RIMS2: variants seen among roughly 807,000 people sequenced by gnomAD.
RIMS2 encodes regulating synaptic membrane exocytosis 2, also known as regulating synaptic membrane exocytosis protein 2.
A neutral mutation model predicts 174.4 loss-of-function variants in RIMS2; 59 were observed. The observed-to-expected ratio is 0.34, with a 90% CI of 0.27 to 0.42. The LOEUF is 0.42. Among genes scored for constraint, RIMS2 ranks in the 10% least tolerant of loss-of-function variants. The probability of loss-of-function intolerance (pLI) is 1.00; values close to 1 mark genes in which losing one functional copy is unlikely to be tolerated. For synonymous variants in RIMS2, 606 were observed against 572.5 expected (o/e 1.06, Z -0.84); for missense variants, 1,620 against 1,666.3 (o/e 0.97, Z 0.48).
At chr8:103,509,013 T>C (rs898821098) in intron 1 of RIMS2, among the ~76,000 whole-genome samples, 2 of 152,128 alleles carry the variant, frequency 1.3e-5, no homozygotes, top group Admixed American at 1.3e-4. Context: ...ACCAGTGTTC[T>C]CTTGAGGGAG....
chr8:104,120,611 C>A (rs2098358571), intron 19 of RIMS2, among the ~76,000 whole-genome samples: 1 of 152,018 alleles, frequency 6.6e-6, no homozygotes, highest in Non-Finnish European at 1.5e-5. Context: ...TATTTTGGTT[C>A]ATTTTATAAT....
chr8:104,239,263 T>C (rs2099274527), intron 19 of RIMS2, among the ~76,000 whole-genome samples: 1 of 152,204 alleles, frequency 6.6e-6, no homozygotes, highest in Non-Finnish European at 1.5e-5. Flanking sequence ...GTCTTTTGTT[T>C]AATCAAATGG....
chr8:104,068,605 A>T (rs1285505437), intron 19 of RIMS2: 1 of 1,506,548 alleles, frequency 6.6e-7, no homozygotes, highest in Admixed American at 1.8e-5. Context: ...CAAGATTACC[A>T]TTCGAAGGCA....
chr8:103,817,250 TA>T (rs565043558), intron 3 of RIMS2, among the ~76,000 whole-genome samples: 24 of 152,306 alleles, frequency 1.6e-4, no homozygotes, highest in Admixed American at 1.4e-3. Context: ...TTGCTCTAAC[TA>T]AAATACCCTT....
chr8:104,255,601 AGGATATGAT>A (rs2099366578), downstream of RIMS2: 1 of 152,250 alleles, frequency 6.6e-6, no homozygotes, highest in Non-Finnish European at 1.5e-5. Flanking sequence ...GCAACAATAA[AGGATATGAT>A]GGTCCTGTAG....
intron 19 of RIMS2, among the ~76,000 whole-genome samples, chr8:104,070,724 A>G (rs1299772434): frequency 1.3e-5 from 2 of 152,164 alleles, no homozygotes; most frequent in African/African-American, 2.4e-5. Context: ...TTGTTGGTTT[A>G]TATTTTACTA....
intron 3 of RIMS2, among the ~76,000 whole-genome samples, chr8:103,770,744 C>A (rs1028372549): frequency 6.6e-6 from 1 of 150,698 alleles, no homozygotes; most frequent in African/African-American, 2.4e-5. Context: ...TTTGTTCCTT[C>A]GTCTCCCACC....
At chr8:103,844,062 A>G (rs1851150) in intron 3 of RIMS2, among the ~76,000 whole-genome samples, 54,578 of 152,088 alleles carry the variant, frequency 0.36, 10,567 homozygotes, top group East Asian at 0.77. Context: ...GCCTGCTGCC[A>G]TTCACATAAA....
chr8:104,040,605 AATAGGC>A, intron 19 of RIMS2, among the ~76,000 whole-genome samples: 1 of 151,838 alleles, frequency 6.6e-6, no homozygotes, highest in East Asian at 1.9e-4. Flanking sequence ...CTGTTGAATG[AATAGGC>A]ATTAAAAGGG....
intron 19 of RIMS2, among the ~76,000 whole-genome samples, chr8:104,037,275 G>GTTA (rs2096536569): frequency 6.6e-6 from 1 of 152,114 alleles, no homozygotes; most frequent in African/African-American, 2.4e-5. Flanking sequence ...AACATTCTAA[G>GTTA]ACTCTGTGAC....
chr8:103,576,447 G>A (rs543809889), intron 1 of RIMS2, among the ~76,000 whole-genome samples: 2 of 152,258 alleles, frequency 1.3e-5, no homozygotes, highest in Admixed American at 1.3e-4. Flanking sequence ...AAAAACAAGA[G>A]CAAAGAGGGA....
At chr8:103,511,177 T>A (rs1826271639) in intron 1 of RIMS2, among the ~76,000 whole-genome samples, 1 of 152,194 alleles carries the variant, frequency 6.6e-6, no homozygotes, top group East Asian at 1.9e-4. Context: ...GTGGAGGGAC[T>A]GGGGGCAAGA....
chr8:103,537,908 T>C, intron 1 of RIMS2, among the ~76,000 whole-genome samples: 1 of 152,226 alleles, frequency 6.6e-6, no homozygotes, highest in East Asian at 1.9e-4. Flanking sequence ...CCTGTGCCTC[T>C]CTGGAGGGCC....
At chr8:103,669,510 C>T (rs1234237611) in intron 1 of RIMS2, among the ~76,000 whole-genome samples, 2 of 152,198 alleles carry the variant, frequency 1.3e-5, no homozygotes, top group Admixed American at 6.5e-5. Flanking sequence ...CAAGGCAAGT[C>T]CCTTCCACCT....
intron 14 of RIMS2, among the ~76,000 whole-genome samples, chr8:103,949,267 G>A (rs188695358): frequency 2.6e-5 from 4 of 152,052 alleles, no homozygotes; most frequent in African/African-American, 7.2e-5. Context: ...TTAGTACTCC[G>A]CTGTCAATGT....
chr8:103,930,289 G>A (rs917268934), intron 11 of RIMS2, among the ~76,000 whole-genome samples: 9 of 152,008 alleles, frequency 5.9e-5, no homozygotes, highest in Admixed American at 5.2e-4. Context: ...TGAGGGACTC[G>A]ACAAAGCTAT....
intron 19 of RIMS2, among the ~76,000 whole-genome samples, chr8:104,240,325 G>T (rs551078798): frequency 6.6e-6 from 1 of 152,074 alleles, no homozygotes; most frequent in Non-Finnish European, 1.5e-5. Context: ...TCACTGTTAC[G>T]TAGATTCAGT....
At chr8:103,894,663 C>T (rs554018288) in intron 4 of RIMS2, among the ~76,000 whole-genome samples, 16 of 151,526 alleles carry the variant, frequency 1.1e-4, no homozygotes, top group Admixed American at 5.3e-4. Context: ...TAACATTGAA[C>T]CCTAATTAAG....
chr8:103,938,832 T>A (rs2081912250), intron 13 of RIMS2, among the ~76,000 whole-genome samples: 1 of 152,190 alleles, frequency 6.6e-6, no homozygotes, highest in South Asian at 2.1e-4. Flanking sequence ...CAAAGCCCCA[T>A]GCAAGTCTGA....
Sources: gnomAD v4.1 joint callset for allele counts (sites outside exome capture counted in the v4.1 genomes callset) on GRCh38, gnomAD v4.1.1 for gene constraint, MANE v1.5 for transcripts, NCBI Gene and HGNC (gene_info 2026-07-23, HGNC 2026-07-21) for gene names.